VWA3B: variants seen among roughly 807,000 people sequenced by gnomAD.
VWA3B encodes von Willebrand factor A domain-containing protein 3B.
A neutral mutation model predicts 158.3 loss-of-function variants in VWA3B; 138 were observed. That is an observed-to-expected ratio of 0.87 (90% CI 0.76 to 1.00). The LOEUF is 1.00. Among genes scored for constraint, VWA3B ranks in the 50% least tolerant of loss-of-function variants. The pLI is 0.00. For missense variants in VWA3B, 1,555 were observed against 1,565.1 expected, an observed-to-expected ratio of 0.99 and a Z score of 0.11; for synonymous variants, 596 against 587.3, an observed-to-expected ratio of 1.01 and a Z score of -0.21.
chr2:98,115,576 A>G (rs987126872), intron 2 of VWA3B, 76 bp from the exon 3 acceptor site: 10 of 1,129,254 alleles, frequency 8.9e-6, no homozygotes, highest in African/African-American at 1.5e-5. Context: ...GTGTCAGAGA[A>G]AAACATTTCA....
rs772153690 is a variant in VWA3B, at chr2:98,303,699, C to T, written c.3421-3C>T. The T allele has an allele frequency of 6.2e-6, 10 of 1,613,802 alleles. No individual in the cohort carries two copies. Among genetic ancestry groups the T allele is most frequent in the Non-Finnish European group, 8.5e-6 (10 of 1,179,718 alleles). ...TGAGTGAACTCTGTTGGTATTATTA[C>T]AGGAATTTTGCCCTCGGAGTGCACT... On this transcript the variant is annotated splice_region_variant and splice_polypyrimidine_tract_variant and intron_variant, in intron 25 of 27. Coordinates refer to ENST00000477737, the MANE Select transcript of VWA3B (RefSeq NM_144992.5).
intron 11 of VWA3B, among the ~76,000 whole-genome samples, chr2:98,193,459 C>A (rs1430705778): frequency 6.6e-6 from 1 of 152,224 alleles, no homozygotes; most frequent in East Asian, 1.9e-4. Context: ...GCTGTGTGAA[C>A]TGAAGCAGGT....
chr2:98,120,064 G>C (rs1674847125), intron 4 of VWA3B, among the ~76,000 whole-genome samples: 1 of 152,096 alleles, frequency 6.6e-6, no homozygotes. Context: ...ATATATTTAA[G>C]GCCATAAATC....
At chr2:98,269,817 C>T (rs901503705) in intron 21 of VWA3B, among the ~76,000 whole-genome samples, 3 of 152,176 alleles carry the variant, frequency 2.0e-5, no homozygotes, top group African/African-American at 7.2e-5. Context: ...TTTTATTCCA[C>T]CATCTTGCTG....
At chr2:98,312,159 A>AC in intron 27 of VWA3B, 41 bp from the exon 28 acceptor site, 1 of 1,613,950 alleles carries the variant, frequency 6.2e-7, no homozygotes, top group Non-Finnish European at 8.5e-7. Flanking sequence ...TGCAGCAAAG[A>AC]CCCTAACATC....
Position 98,115,746 on chromosome 2 carries a change from T to C in VWA3B, c.291T>C (p.Asn97=), listed in dbSNP as rs770226990. 3 of 1,612,426 alleles carry C rather than the reference T, an allele frequency of 1.9e-6. No homozygotes were observed. The highest frequency in any genetic ancestry group is 2.5e-6 in the Non-Finnish European group (3 of 1,179,514). The change falls in exon 3 of 28, where the codon AAT becomes AAC. Residue 97 remains asparagine, a splice_region_variant and synonymous_variant. Transcript: ENST00000477737. ...LYRAEDGRVY[N]LTAKSELIYQ... ...GAGCAGAAGATGGCAGAGTATACAA[T>C]GTAAGTCAGAGTTCCCTCAATGCGC... is the stretch of plus-strand genomic sequence containing the variant.
intron 6 of VWA3B, among the ~76,000 whole-genome samples, chr2:98,132,486 A>G (rs867297442): frequency 2.6e-5 from 4 of 152,224 alleles, no homozygotes; most frequent in Admixed American, 6.5e-5. Flanking sequence ...GGGTAGAACC[A>G]CCAGTCCAAG....
intron 12 of VWA3B, among the ~76,000 whole-genome samples, chr2:98,195,022 T>C (rs1480256359): frequency 6.6e-6 from 1 of 152,212 alleles, no homozygotes; most frequent in Non-Finnish European, 1.5e-5. Flanking sequence ...TTACACAGAC[T>C]CCTGGGAAGG....
intron 15 of VWA3B, 71 bp downstream of exon 15, chr2:98,228,403 TG>T: frequency 6.8e-7 from 1 of 1,479,930 alleles, no homozygotes; most frequent in Non-Finnish European, 9.0e-7. Context: ...CCTGGGCCCT[TG>T]TCCTTTCTGA....
the VWA3B span, among the ~76,000 whole-genome samples, chr2:98,323,947 T>C: frequency 6.6e-6 from 1 of 152,154 alleles, no homozygotes; most frequent in African/African-American, 2.4e-5. Context: ...TGTTATTACA[T>C]ATTTTAGCTT....
intron 24 of VWA3B, among the ~76,000 whole-genome samples, chr2:98,298,427 CTATT>C (rs879849554): frequency 0.022 from 3,373 of 150,414 alleles, 64 homozygotes; most frequent in South Asian, 0.037. Context: ...CTATTCTATT[CTATT>C]CTATTCTATT....
intron 13 of VWA3B, chr2:98,216,923 A>G (rs950974910): frequency 2.3e-6 from 3 of 1,302,448 alleles, no homozygotes; most frequent in Non-Finnish European, 3.0e-6. Flanking sequence ...TGTTTCCTTC[A>G]TTCCATACAG....
intron 26 of VWA3B, among the ~76,000 whole-genome samples, chr2:98,310,298 G>T (rs903275801): frequency 1.3e-5 from 2 of 152,146 alleles, no homozygotes; most frequent in African/African-American, 4.8e-5. Context: ...TTCAGCAAAG[G>T]GGGTGGGTTC....
intron 1 of VWA3B, among the ~76,000 whole-genome samples, chr2:98,090,883 G>C (rs1046553599): frequency 9.3e-5 from 14 of 151,204 alleles, no homozygotes; most frequent in Middle Eastern, 6.4e-3. Context: ...AGCCTCTCGA[G>C]TAGCTGGGAC....
intron 21 of VWA3B, 58 bp from the exon 22 acceptor site, chr2:98,270,624 C>T: frequency 1.3e-6 from 2 of 1,528,682 alleles, no homozygotes; most frequent in East Asian, 2.3e-5. Context: ...TTATTATAGT[C>T]ATTTTCTTTG....
At chr2:98,109,282 G>T (rs370414256) in intron 2 of VWA3B, among the ~76,000 whole-genome samples, 1 of 152,022 alleles carries the variant, frequency 6.6e-6, no homozygotes, top group South Asian at 2.1e-4. Context: ...GTGAGCCACC[G>T]CGCCTGGCTA....
chr2:98,325,916 A>C, the VWA3B span, among the ~76,000 whole-genome samples: 5 of 152,216 alleles, frequency 3.3e-5, no homozygotes, highest in Admixed American at 6.5e-5. Context: ...TGCTTTCACC[A>C]AGTCAGTCCA....
intron 26 of VWA3B, among the ~76,000 whole-genome samples, chr2:98,311,333 T>C (rs2106027380): frequency 6.6e-6 from 1 of 152,356 alleles, no homozygotes; most frequent in Middle Eastern, 3.4e-3. Flanking sequence ...ATTCCTAAGT[T>C]CAATGTCATT....
At chr2:98,293,548 C>T (rs1689620157) in intron 23 of VWA3B, among the ~76,000 whole-genome samples, 1 of 152,058 alleles carries the variant, frequency 6.6e-6, no homozygotes, top group African/African-American at 2.4e-5. Flanking sequence ...TACAGAGAAC[C>T]CCACTATACT....
Sources: allele counts gnomAD v4.1 joint callset (sites outside exome capture counted in the v4.1 genomes callset), GRCh38; gene constraint gnomAD v4.1.1; transcripts MANE v1.5; gene names NCBI Gene and HGNC (gene_info 2026-07-23, HGNC 2026-07-21).